The following ZNF30 variants were observed in gnomAD, a reference collection of about 807,000 sequenced individuals.
ZNF30 encodes zinc finger protein 30 (KOX 28).
Under a neutral mutation model 13.2 loss-of-function variants are expected in ZNF30, and 15 were observed. The observed-to-expected ratio is 1.13, with a 90% CI of 0.76 to 1.75. The LOEUF (loss-of-function observed/expected upper bound fraction) is 1.75, where lower values mean the gene tolerates loss of function less well. ZNF30 is among the 40% of genes most tolerant of loss of function. The pLI is 0.00. For missense variants in ZNF30, 726 were observed against 757.0 expected (o/e 0.96, Z 0.48); for synonymous variants, 223 against 256.6 (o/e 0.87, Z 1.25).
intron 4 of ZNF30, among the ~76,000 whole-genome samples, chr19:34,935,066 A>G (rs1416131184): frequency 6.6e-6 from 1 of 151,846 alleles, no homozygotes; most frequent in Non-Finnish European, 1.5e-5. Flanking sequence ...CGTCTCTACT[A>G]AAAAAATACA....
chr19:34,943,580 A>G lies in ZNF30; in HGVS notation c.614A>G (p.Lys205Arg). 7 of 1,613,758 alleles carry G rather than the reference A, an allele frequency of 4.3e-6. No individual in the cohort carries two copies. Among genetic ancestry groups the G allele is most frequent in the South Asian group, 3.3e-5 (3 of 90,970 alleles). Residue 205 changes from lysine (K) to arginine (R), a missense_variant, in exon 5 of 5, where the codon AAA (lysine) becomes AGA (arginine). Physicochemically the swap from Lys to Arg is conservative, Grantham distance 26. Transcript: ENST00000601142. Reference sequence around the variant, plus strand: ...ATTCACACTGGTGAGAAGCCACTCAAATGTAAGCAATGTGGAAAGACTATT... The same window carrying G: ...ATTCACACTGGTGAGAAGCCACTCAGATGTAAGCAATGTGGAAAGACTATT... ...GRIHTGEKPL[K>R]CKQCGKTISG...
Position 34,943,686 on chromosome 19 carries a change from T to C in ZNF30, c.720T>C (p.Ala240=). The C allele has an allele frequency of 1.9e-6, 3 of 1,613,352 alleles. No individual in the cohort carries two copies. The highest frequency in any genetic ancestry group is 2.5e-6 in the Non-Finnish European group (3 of 1,179,584). Residue 240 remains alanine, a synonymous_variant, in exon 5 of 5, where the codon GCT becomes GCC. Transcript: ENST00000601142. ...ATGAGTGCGGGGAATGTGGGAAAGC[T>C]TTTCTAGTATATGGAAAGCTTACCC... ...KPYECGECGK[A]FLVYGKLTRH... is the part of the protein sequence containing the mutation.
intron 1 of ZNF30, among the ~76,000 whole-genome samples, chr19:34,928,219 AAATATATAT>A (rs1174606565): frequency 4.8e-5 from 3 of 62,908 alleles, no homozygotes; most frequent in African/African-American, 3.1e-4. Flanking sequence ...AAAAAAAAAA[AAATATATAT>A]ATATATATAT....
chr19:34,933,672 TG>T lies in ZNF30; in HGVS notation c.207del (p.Trp69Ter). 1 of 1,601,478 alleles carries T rather than the reference TG, an allele frequency of 6.2e-7. No homozygotes were observed. Among genetic ancestry groups the T allele is most frequent in the Non-Finnish European group, 8.5e-7 (1 of 1,173,744 alleles). The stretch of plus-strand genomic sequence containing the variant: ...ACATGTGATCGCCTTATTGGAACAA[TG>T]GAAAGAGCCTGAAGTGACAGTGAGG... ...KPHVIALLEQ[W>X]KEPEVTVRKD... On this transcript the variant is annotated frameshift_variant, in exon 4 of 5. Coordinates refer to ENST00000601142, the MANE Select transcript of ZNF30 (RefSeq NM_194325.3). LOFTEE classifies it low-confidence loss of function (END_TRUNC).
At chr19:34,937,954 C>A (rs1409791499) in intron 4 of ZNF30, among the ~76,000 whole-genome samples, 1 of 152,088 alleles carries the variant, frequency 6.6e-6, no homozygotes, top group African/African-American at 2.4e-5. Flanking sequence ...TGCCACCATG[C>A]CTGGCTAATT....
chr19:34,933,191 C>T (rs1434736942), intron 3 of ZNF30, among the ~76,000 whole-genome samples: 3 of 152,036 alleles, frequency 2.0e-5, no homozygotes, highest in Non-Finnish European at 4.4e-5. Context: ...TGTGGTGGTT[C>T]ATGCCTGTAA....
intron 2 of ZNF30, among the ~76,000 whole-genome samples, chr19:34,931,044 T>C (rs1216013517): frequency 2.0e-5 from 3 of 147,916 alleles, no homozygotes; most frequent in African/African-American, 5.0e-5. Flanking sequence ...TTTTTCTTTT[T>C]TTTTTTTTTT....
intron 2 of ZNF30, among the ~76,000 whole-genome samples, chr19:34,931,537 G>C (rs1045439600): frequency 5.3e-5 from 8 of 152,130 alleles, no homozygotes; most frequent in African/African-American, 1.9e-4. Context: ...AATTGTTTTT[G>C]AGAATTTGTT....
At position 34,940,296 on chromosome 19, in the gene ZNF30, T is replaced by C. The variant is rs115484296; in HGVS notation, c.257-2927T>C. On this transcript the variant is annotated intron_variant, in intron 4 of 4. Transcript: ENST00000601142. ...TATCTGAAGATAGGCCGTTATCTTC[T>C]TGGGACCATGATTATCCAAATGTAC... Among the ~76,000 whole-genome samples the C allele has an allele frequency of 3.8e-3, 573 of 152,332 alleles. 1 individual carries two copies. Among genetic ancestry groups the C allele is most frequent in the Middle Eastern group, 0.014 (4 of 294 alleles).
At chr19:34,928,529 A>G (rs1256424692) in intron 1 of ZNF30, among the ~76,000 whole-genome samples, 3 of 151,864 alleles carry the variant, frequency 2.0e-5, no homozygotes, top group African/African-American at 7.3e-5. Flanking sequence ...ATTATTAGTT[A>G]TTGCTATTAC....
upstream of ZNF30, among the ~76,000 whole-genome samples, chr19:34,926,542 G>A (rs2012079892): frequency 6.6e-6 from 1 of 152,140 alleles, no homozygotes; most frequent in Non-Finnish European, 1.5e-5. Context: ...TCTCACACGT[G>A]ATTAGTCTAA....
Position 34,943,927 on chromosome 19 carries a change from T to C in ZNF30, c.961T>C (p.Cys321Arg). ...TGEKPYECKECGKSFTVYGQL... is the reference protein window; with the variant it reads ...TGEKPYECKERGKSFTVYGQL... The stretch of plus-strand genomic sequence containing the variant: ...CGAGAAACCCTATGAATGTAAGGAG[T>C]GTGGGAAGTCCTTCACTGTGTATGG... Residue 321 changes from cysteine to arginine, a missense_variant, in exon 5 of 5, where the codon TGT becomes CGT. Transcript: ENST00000601142. The C allele has an allele frequency of 6.2e-7, 1 of 1,613,952 alleles. No individual in the cohort carries two copies. The highest frequency in any genetic ancestry group is 1.1e-5 in the South Asian group (1 of 91,068).
In ZNF30 at chr19:34,926,982, T is replaced by C. The variant is rs1031135662; in HGVS notation, c.-299T>C. 1 of 398,522 alleles carries C rather than the reference T, an allele frequency of 2.5e-6. No homozygotes were observed. Among genetic ancestry groups the C allele is most frequent in the African/African-American group, 2.1e-5 (1 of 48,648 alleles). The allele number at this position is 398,522 out of a possible 1,614,324, so 24.7% of individuals were successfully genotyped here. A position where few individuals can be genotyped will look rare whatever the true frequency, so the allele number is the denominator to read the frequency against. ...CCAGAGGCTGCAGCTATCCGGCCAA[T>C]GTAGCCTGAAACTACATTTCTCAGC... On this transcript the variant is annotated 5_prime_UTR_variant, in exon 1 of 5. An upstream start codon of the reference 5' UTR is lost. Transcript: ENST00000601142.
chr19:34,931,806 C>G (rs757893720), intron 2 of ZNF30, 37 bp from the exon 3 acceptor site: 9 of 1,598,556 alleles, frequency 5.6e-6, no homozygotes, highest in African/African-American at 5.4e-5. Context: ...TATTCCCTCT[C>G]CTTTCACCTT....
At chr19:34,936,348 G>C (rs1363543935) in intron 4 of ZNF30, among the ~76,000 whole-genome samples, 2 of 152,126 alleles carry the variant, frequency 1.3e-5, no homozygotes, top group African/African-American at 4.8e-5. Flanking sequence ...ACAACATGTT[G>C]GTGGATTGTA....
upstream of ZNF30, among the ~76,000 whole-genome samples, chr19:34,926,269 AAAG>A (rs1163566923): frequency 1.3e-5 from 2 of 152,246 alleles, no homozygotes; most frequent in Non-Finnish European, 2.9e-5. Context: ...ACATAAACCA[AAAG>A]AAGAATGCCA....
In ZNF30 at chr19:34,933,748, GA is replaced by G. The variant is rs1184055080; in HGVS notation, c.256+26del. 3 of 1,502,938 alleles carry G rather than the reference GA, an allele frequency of 2.0e-6. No homozygotes were observed. The Admixed American group carries it at 5.8e-5, about 29-fold the overall frequency. 93.1% of individuals were successfully genotyped at this position (1,502,938 alleles called of 1,614,324 possible). On this transcript the variant is annotated intron_variant, in intron 4 of 4. Coordinates refer to ENST00000601142, the MANE Select transcript of ZNF30 (RefSeq NM_194325.3). ...GGTGAGTAAGAGCATGGCAGGTAGG[GA>G]GGCCATTGTTGCTGGAAACAGCCCA... is the stretch of plus-strand genomic sequence containing the variant.
chr19:34,925,862 G>A (rs2012052548), upstream of ZNF30, among the ~76,000 whole-genome samples: 1 of 151,860 alleles, frequency 6.6e-6, no homozygotes, highest in African/African-American at 2.4e-5. Context: ...AGGAATCACT[G>A]TAATGTGGGC....
chr19:34,932,954 T>C (rs2012534104), intron 3 of ZNF30, among the ~76,000 whole-genome samples: 1 of 151,662 alleles, frequency 6.6e-6, no homozygotes, highest in Admixed American at 6.6e-5. Context: ...CTAATTTTTG[T>C]ATTTTTGATA....
Sources: allele counts gnomAD v4.1 joint callset (sites outside exome capture counted in the v4.1 genomes callset), GRCh38; gene constraint gnomAD v4.1.1; transcripts MANE v1.5; gene names NCBI Gene and HGNC (gene_info 2026-07-23, HGNC 2026-07-21).